Variants in NTM observed in about 807,000 individuals in gnomAD.
The protein encoded by NTM is IgLON family member 2.
A neutral mutation model predicts 42.1 loss-of-function variants in NTM; 13 were observed. The ratio of observed to expected loss-of-function variants is 0.31; its 90% confidence interval spans 0.20 to 0.49. The LOEUF (loss-of-function observed/expected upper bound fraction) is 0.49. Among genes scored for constraint, NTM ranks in the 20% least tolerant of loss-of-function variants. NTM has a pLI of 0.99. For missense variants in NTM, 373 were observed against 452.8 expected (o/e 0.82, Z 1.60); for synonymous variants, 187 against 179.2 (o/e 1.04, Z -0.35).
intron 2 of NTM, among the ~76,000 whole-genome samples, chr11:132,059,247 G>A (rs1425069481): frequency 2.0e-5 from 3 of 152,114 alleles, no homozygotes; most frequent in Non-Finnish European, 4.4e-5. Flanking sequence ...GGGATTCACG[G>A]GCCAGGTGGT....
chr11:131,538,335 A>G (rs1375071859), intron 1 of NTM: 5 of 152,134 alleles, frequency 3.3e-5, no homozygotes, highest in African/African-American at 1.2e-4. Flanking sequence ...TCAAAGTCAC[A>G]TACCTAGTTA....
At chr11:132,169,229 C>T (rs1474997402) in intron 3 of NTM, among the ~76,000 whole-genome samples, 2 of 150,726 alleles carry the variant, frequency 1.3e-5, no homozygotes, top group East Asian at 3.9e-4. Flanking sequence ...AGGATGGAGC[C>T]ATCACACACT....
At chr11:131,857,103 C>A (rs1319524760) in intron 1 of NTM, among the ~76,000 whole-genome samples, 2 of 152,144 alleles carry the variant, frequency 1.3e-5, no homozygotes, top group Non-Finnish European at 2.9e-5. Context: ...ACCCACTATC[C>A]TCTAATGTCA....
At chr11:131,800,081 C>T (rs1420241400) in intron 1 of NTM, among the ~76,000 whole-genome samples, 5 of 152,116 alleles carry the variant, frequency 3.3e-5, no homozygotes, top group Non-Finnish European at 7.3e-5. Context: ...ATCTTAGATC[C>T]CCACACATAG....
At chr11:131,818,805 A>C (rs2136387172) in intron 1 of NTM, among the ~76,000 whole-genome samples, 1 of 152,248 alleles carries the variant, frequency 6.6e-6, no homozygotes, top group Non-Finnish European at 1.5e-5. Context: ...GTGGACTATA[A>C]TGGGAATTAC....
At chr11:131,780,579 A>G (rs2136002188) in intron 1 of NTM, among the ~76,000 whole-genome samples, 1 of 152,314 alleles carries the variant, frequency 6.6e-6, no homozygotes, top group East Asian at 1.9e-4. Flanking sequence ...ATGAGAGCGA[A>G]TGAGTGCTTC....
intron 8 of NTM, 37 bp downstream of exon 8, chr11:132,330,222 G>A (rs2095775014): frequency 6.5e-7 from 1 of 1,538,306 alleles, no homozygotes; most frequent in Middle Eastern, 1.7e-4. Context: ...GCCTTGGTGG[G>A]TGTGGGGTAT....
chr11:131,511,319 G>A lies in NTM; in HGVS notation c.82+140431G>A, dbSNP rs372002897. Among the ~76,000 whole-genome samples, 114 of 152,302 alleles carry A rather than the reference G, an allele frequency of 7.5e-4. 1 individual carries two copies. In the South Asian group the frequency reaches 0.023, roughly 31 times the overall value. On this transcript the variant is annotated intron_variant, in intron 1 of 8. Coordinates refer to ENST00000683400, the MANE Select transcript of NTM (RefSeq NM_001352005.2). ...CCATGAGCCCAGCAGGTAAGGCTGGGACACCAGCCAGTGGGAAGAGTGCAG... is the reference window on the plus strand; with the variant it reads ...CCATGAGCCCAGCAGGTAAGGCTGGAACACCAGCCAGTGGGAAGAGTGCAG...
At chr11:131,849,030 T>C (rs1171020453) in intron 1 of NTM, among the ~76,000 whole-genome samples, 1 of 152,230 alleles carries the variant, frequency 6.6e-6, no homozygotes, top group Non-Finnish European at 1.5e-5. Flanking sequence ...AGGTGTATAA[T>C]CATTTCTCCT....
At chr11:132,204,548 A>T (rs936031088) in intron 3 of NTM, among the ~76,000 whole-genome samples, 8 of 152,164 alleles carry the variant, frequency 5.3e-5, no homozygotes, top group East Asian at 1.9e-4. Context: ...CTGAAATTGA[A>T]ATAATTAGAC....
chr11:131,513,125 C>T (rs1459989459), intron 1 of NTM, among the ~76,000 whole-genome samples: 1 of 152,242 alleles, frequency 6.6e-6, no homozygotes, highest in African/African-American at 2.4e-5. Context: ...CCCTGAGCTT[C>T]ACAACCTTCA....
intron 2 of NTM, among the ~76,000 whole-genome samples, chr11:131,939,205 A>G (rs1412148618): frequency 1.3e-5 from 2 of 152,138 alleles, no homozygotes; most frequent in East Asian, 3.9e-4. Context: ...GGAGCAGAGA[A>G]TTGGCAGCCA....
rs147577148 is a variant in NTM at position 132,060,243 on chromosome 11, A to G, written c.168-86039A>G. On this transcript the variant is annotated intron_variant, in intron 2 of 8. Coordinates refer to ENST00000683400, the MANE Select transcript of NTM (RefSeq NM_001352005.2). Reference sequence around the variant, plus strand: ...TCGTTCTAGATTCTTTCAACACTTAAGTGTCTTATTACAAGTCTCTTTCCT... The same window carrying G: ...TCGTTCTAGATTCTTTCAACACTTAGGTGTCTTATTACAAGTCTCTTTCCT... Among the ~76,000 whole-genome samples, 162 of 152,346 alleles carry G rather than the reference A, an allele frequency of 1.1e-3. 1 individual carries two copies. Among genetic ancestry groups the G allele is most frequent in the African/African-American group, 3.7e-3 (155 of 41,580 alleles).
chr11:132,288,722 C>A (rs797017728), intron 4 of NTM, among the ~76,000 whole-genome samples: 45 of 152,196 alleles, frequency 3.0e-4, no homozygotes, highest in African/African-American at 1.0e-3. Flanking sequence ...CGGGTTCAAG[C>A]GATTGTCCTG....
rs188144697 is a variant in NTM, at chr11:132,165,755, C to G, written c.400+19241C>G. On this transcript the variant is annotated intron_variant, in intron 3 of 8. Transcript: ENST00000683400. ...CCATCCCTAAGAGGCTGAGCTCTCT[C>G]TGCTTTCTCAAAAGCATCCCTCTGC... is the stretch of plus-strand genomic sequence containing the variant. Among the ~76,000 whole-genome samples, 282 of 152,324 alleles carry G rather than the reference C, an allele frequency of 1.9e-3. 1 individual carries two copies. The highest frequency in any genetic ancestry group is 6.4e-3 in the African/African-American group (268 of 41,568).
intron 1 of NTM, among the ~76,000 whole-genome samples, chr11:131,789,648 G>GAGGAAGAAGAA (rs2090524420): frequency 7.4e-6 from 1 of 134,966 alleles, no homozygotes; most frequent in Non-Finnish European, 1.6e-5. Context: ...AGAAGAAGAA[G>GAGGAAGAAGAA]AAGAAGAAGA....
chr11:131,689,434 C>T lies in NTM; in HGVS notation c.83-222130C>T, dbSNP rs140257326. On this transcript the variant is annotated intron_variant, in intron 1 of 8. Transcript: ENST00000683400. ...ATCTGTGTCTCTTCTGATCCCAGCA[C>T]AGGACAAAAGCTCTTTAGAAAAACA... Among the ~76,000 whole-genome samples the T allele has an allele frequency of 6.1e-4, 93 of 152,362 alleles. 1 individual carries two copies. Among genetic ancestry groups the T allele is most frequent in the African/African-American group, 2.2e-3 (90 of 41,586 alleles).
In NTM at chr11:132,234,628, A is replaced by G. The variant is rs368214395; in HGVS notation, c.526+22481A>G. On this transcript the variant is annotated intron_variant, in intron 4 of 8. Coordinates refer to ENST00000683400, the MANE Select transcript of NTM (RefSeq NM_001352005.2). The stretch of plus-strand genomic sequence containing the variant: ...CTCAGAATCCCGTAATTACGATTTC[A>G]TAATTTCAAAAACACTTTACACGTT... Among the ~76,000 whole-genome samples the G allele has an allele frequency of 6.1e-4, 93 of 152,348 alleles. 1 individual carries two copies. In the East Asian group the frequency reaches 7.5e-3, roughly 12 times the overall value.
chr11:132,001,818 C>G (rs913739116), intron 2 of NTM, among the ~76,000 whole-genome samples: 1 of 151,612 alleles, frequency 6.6e-6, no homozygotes, highest in Non-Finnish European at 1.5e-5. Flanking sequence ...AATCGGTCAA[C>G]AGTGTAAAAT....
Sources: gnomAD v4.1 joint callset for allele counts (sites outside exome capture counted in the v4.1 genomes callset) on GRCh38, gnomAD v4.1.1 for gene constraint, MANE v1.5 for transcripts, NCBI Gene and HGNC (gene_info 2026-07-23, HGNC 2026-07-21) for gene names.